Variants in PLEC observed in about 807,000 individuals in gnomAD.
The protein encoded by PLEC is plectin.
In PLEC, 216 loss-of-function variants were observed where a neutral mutation model predicts 392.8. The ratio of observed to expected loss-of-function variants is 0.55; its 90% CI spans 0.49 to 0.62. The LOEUF (loss-of-function observed/expected upper bound fraction) is 0.62, where lower values mean the gene tolerates loss of function less well. Ranked by LOEUF, PLEC falls within the 20% of genes least tolerant of loss-of-function variation. PLEC has a pLI of 0.00. For synonymous variants in PLEC, 3,621 were observed against 2,980.6 expected (o/e 1.21, Z -7.00); for missense variants, 6,863 against 6,563.4 (o/e 1.05, Z -1.58).
intron 1 of PLEC, among the ~76,000 whole-genome samples, chr8:143,968,463 G>A (rs1257476266): frequency 5.6e-5 from 8 of 143,678 alleles, no homozygotes; most frequent in Admixed American, 2.8e-4. Context: ...CCAGCTACTC[G>A]GGAGCCTGAG....
chr8:143,955,073 C>T (rs979907025), upstream of PLEC, among the ~76,000 whole-genome samples: 4 of 152,166 alleles, frequency 2.6e-5, no homozygotes, highest in Non-Finnish European at 4.4e-5. Flanking sequence ...TGGAGTCTCT[C>T]GTCCCCCTGC....
Position 143,925,030 on chromosome 8 carries a change from G to A in PLEC, c.4899C>T (p.Arg1633=). The A allele has an allele frequency of 1.9e-6, 3 of 1,563,476 alleles. No individual in the cohort carries two copies. Among genetic ancestry groups the A allele is most frequent in the South Asian group, 1.2e-5 (1 of 86,906 alleles). ...AREEAERELE[R]WQLKANEALR... ...GCGCCTCGTTGGCCTTGAGCTGCCA[G>A]CGCTCCAGCTCCCGCTCTGCCTCCT... The change falls in exon 31 of 32, where the codon CGC becomes CGT. Residue 1633 remains arginine, a synonymous_variant. Transcript: ENST00000345136.
rs1360057953 is a variant in PLEC at position 143,915,700 on chromosome 8, T to C, written c.*477A>G. 1.3e-5 allele frequency: 2 copies of C among 153,706 alleles called. No homozygotes were observed. Among genetic ancestry groups the C allele is most frequent in the African/African-American group, 4.8e-5 (2 of 41,456 alleles). 9.5% of individuals were successfully genotyped at this position (153,706 alleles called of 1,614,324 possible). On this transcript the variant is annotated 3_prime_UTR_variant, in exon 32 of 32. Coordinates refer to ENST00000345136, the MANE Select transcript of PLEC (RefSeq NM_201384.3). ...GGGGGCTGGGCCCGAGGGCCTCGTC[T>C]TCCCATGGGGAAGGGGCTTCTCTGG...
At chr8:143,966,793 G>A (rs1270810191) in intron 1 of PLEC, among the ~76,000 whole-genome samples, 1 of 152,150 alleles carries the variant, frequency 6.6e-6, no homozygotes, top group East Asian at 1.9e-4. Flanking sequence ...TGGTGGAAGG[G>A]GAGATGTTTA....
intron 1 of PLEC, among the ~76,000 whole-genome samples, chr8:143,947,790 C>T (rs1170085182): frequency 2.0e-5 from 3 of 152,128 alleles, no homozygotes; most frequent in African/African-American, 7.2e-5. Flanking sequence ...AAATGAAACT[C>T]ACATATAAAA....
chr8:143,922,222 C>T lies in PLEC; in HGVS notation c.7599G>A (p.Glu2533=). Residue 2533 remains glutamate, a synonymous_variant, in exon 32 of 32, where the codon GAG becomes GAA. Coordinates refer to ENST00000345136, the MANE Select transcript of PLEC (RefSeq NM_201384.3). ...CCATCTGCTGCTGCTGCCGCTGCTG[C>T]TCCTCACGCAGCTGCTGTGCCTTGG... ...EVAKAQQLRE[E]QQRQQQQMEQ... The T allele has an allele frequency of 1.3e-6, 2 of 1,571,038 alleles. No individual in the cohort carries two copies. Among genetic ancestry groups the T allele is most frequent in the African/African-American group, 1.3e-5 (1 of 74,564 alleles).
chr8:143,935,858 G>A lies in PLEC; in HGVS notation c.592C>T (p.His198Tyr). The change falls in exon 6 of 32, where the codon CAC (histidine) becomes TAC (tyrosine). Residue 198 changes from histidine (H) to tyrosine (Y), a missense_variant. Coordinates refer to ENST00000345136, the MANE Select transcript of PLEC (RefSeq NM_201384.3). ...RDGRLFNAIIHRHKPLLIDMN... is the reference protein window; with the variant it reads ...RDGRLFNAIIYRHKPLLIDMN... The stretch of plus-strand genomic sequence containing the variant: ...CCCGGGGCCATGTACTTGTGCCGGT[G>A]GATGATGGCATTGAAGAGGCGGCCG... 6.2e-7 allele frequency: 1 copy of A among 1,612,914 alleles called. No individual in the cohort carries two copies. Among genetic ancestry groups the A allele is most frequent in the Non-Finnish European group, 8.5e-7 (1 of 1,179,964 alleles).
intron 3 of PLEC, chr8:143,937,815 G>A (rs1554724746): frequency 1.8e-6 from 1 of 547,264 alleles, no homozygotes; most frequent in Admixed American, 2.2e-5. Flanking sequence ...AAAGGGTAAA[G>A]GGCAGAGGTC....
rs543422533 is a variant in PLEC at position 143,922,700 on chromosome 8, G to A, written c.7229C>T (p.Ala2410Val). ...GTGCAGCTTCTCACCGATCTCCTCC[G>A]CCTGCTTCCGGAAGCGCTGGGCGTC... ...EEDAQRFRKQ[A>V]EEIGEKLHRT... The change falls in exon 31 of 32, where the codon GCG becomes GTG. Residue 2410 changes from alanine to valine, a missense_variant. Transcript: ENST00000345136. 380 of 1,612,576 alleles carry A rather than the reference G, an allele frequency of 2.4e-4. 5 individuals are homozygous for A. The South Asian group carries it at 3.5e-3, about 15-fold the overall frequency.
Position 143,937,210 on chromosome 8 carries a change from C to T in PLEC, c.297G>A (p.Lys99=), listed in dbSNP as rs1554724190. ...PREKGRMRFH[K]LQNVQIALDY... ...CCAGGGCAATCTGGACATTCTGCAG[C>T]TTGTGGAAACGCATCCTCCCCTTCT... Residue 99 remains lysine (K), a synonymous_variant, in exon 4 of 32, where the codon AAG becomes AAA. Coordinates refer to ENST00000345136, the MANE Select transcript of PLEC (RefSeq NM_201384.3). 1 of 1,612,668 alleles carries T rather than the reference C, an allele frequency of 6.2e-7. No homozygotes were observed. The highest frequency in any genetic ancestry group is 1.3e-5 in the African/African-American group (1 of 74,902).
intron 1 of PLEC, chr8:143,944,655 G>C: frequency 1.5e-6 from 2 of 1,345,512 alleles, no homozygotes; most frequent in South Asian, 2.3e-5. Context: ...TACCGGGCAC[G>C]ATCTTCATCG....
chr8:143,965,849 G>T (rs1833061168), intron 1 of PLEC, among the ~76,000 whole-genome samples: 1 of 152,208 alleles, frequency 6.6e-6, no homozygotes, highest in Non-Finnish European at 1.5e-5. Flanking sequence ...TGATGCCCAT[G>T]CCCCCTGTGA....
At chr8:143,973,750 C>A (rs1309048098), upstream of PLEC, among the ~76,000 whole-genome samples, 16 of 151,634 alleles carry the variant, frequency 1.1e-4, no homozygotes, top group African/African-American at 3.9e-4. The surrounding 1 kb of genome is among the most constrained non-coding windows in gnomAD (Gnocchi z 5.6). Flanking sequence ...GCCGACACCG[C>A]GGTCGCCCGG....
At chr8:143,940,514 G>C (rs1830253729), upstream of PLEC, among the ~76,000 whole-genome samples, 5 of 152,188 alleles carry the variant, frequency 3.3e-5, no homozygotes, top group South Asian at 1.0e-3. Context: ...AAAGGGCAAA[G>C]GGCAAAGGGC....
In PLEC at chr8:143,969,625, G is replaced by A. The variant is rs1455345907; in HGVS notation, c.70+3778C>T. Among the ~76,000 whole-genome samples, 3 of 152,150 alleles carry A rather than the reference G, an allele frequency of 2.0e-5. No individual in the cohort carries two copies. The highest frequency in any genetic ancestry group is 7.2e-5 in the African/African-American group (3 of 41,424). On this transcript the variant is annotated intron_variant, in intron 1 of 31. Coordinates refer to the PLEC transcript ENST00000356346. This position sits in a 1 kb window ranked among gnomAD's most constrained non-coding sequence, Gnocchi z 5.1. Reference sequence around the variant, plus strand: ...CAATGCAGGTGAGTGGAGGTGAGGCGGTCAGTGAAGAAAGAAAGAGCGGCC... The same window carrying A: ...CAATGCAGGTGAGTGGAGGTGAGGCAGTCAGTGAAGAAAGAAAGAGCGGCC...
chr8:143,975,389 A>G, upstream of PLEC: 1 of 1,601,874 alleles, frequency 6.2e-7, no homozygotes. The surrounding 1 kb of genome is among the most constrained non-coding windows in gnomAD (Gnocchi z 9.9). Flanking sequence ...GAAGGGGAGC[A>G]GGAGGGGTCA....
chr8:143,955,944 C>CTT (rs57462492), upstream of PLEC, among the ~76,000 whole-genome samples: 26 of 125,396 alleles, frequency 2.1e-4, no homozygotes, highest in South Asian at 2.6e-4. Flanking sequence ...CCTAGGGAGA[C>CTT]TTTTTTTTTT....
intron 30 of PLEC, among the ~76,000 whole-genome samples, chr8:143,926,127 G>A (rs908033146): frequency 1.1e-4 from 17 of 152,238 alleles, no homozygotes; most frequent in African/African-American, 1.9e-4. Flanking sequence ...CCTGCTTCCC[G>A]CAGACAGGCG....
At chr8:143,975,355 G>A, upstream of PLEC, 4 of 1,609,110 alleles carry the variant, frequency 2.5e-6, no homozygotes, top group South Asian at 1.1e-5. The surrounding 1 kb of genome is among the most constrained non-coding windows in gnomAD (Gnocchi z 9.9). Flanking sequence ...GGACCTCAGC[G>A]TCCTCACCCG....
Sources: gnomAD v4.1 joint callset for allele counts (sites outside exome capture counted in the v4.1 genomes callset) on GRCh38, gnomAD v4.1.1 for gene constraint, Gnocchi (gnomAD v3.1) non-coding constraint, MANE v1.5 for transcripts, NCBI Gene and HGNC (gene_info 2026-07-23, HGNC 2026-07-21) for gene names.